The following IGF2BP1 variants were observed in gnomAD, a reference collection of about 807,000 sequenced individuals.
The protein encoded by IGF2BP1 is insulin-like growth factor 2 mRNA-binding protein 1.
In IGF2BP1, 11 loss-of-function variants were observed where a neutral mutation model predicts 74.9. The ratio of observed to expected loss-of-function variants is 0.15; its 90% CI spans 0.09 to 0.24. The LOEUF (loss-of-function observed/expected upper bound fraction) is 0.24. IGF2BP1 is among the 10% of genes least tolerant of loss of function. IGF2BP1 has a pLI of 1.00. For missense variants in IGF2BP1, 440 were observed against 757.4 expected, an observed-to-expected ratio of 0.58 and a Z score of 4.92; for synonymous variants, 287 against 281.8, an observed-to-expected ratio of 1.02 and a Z score of -0.18.
chr17:49,038,283 T>G lies in IGF2BP1; in HGVS notation c.517T>G (p.Ser173Ala), dbSNP rs1347881834. ...GAATGGGCGCCGAGGGGGCTTTGGCTCTCGGGGTCAGCCCCGCCAGGGCTC... is the reference window on the plus strand; with the variant it reads ...GAATGGGCGCCGAGGGGGCTTTGGCGCTCGGGGTCAGCCCCGCCAGGGCTC... Reference protein sequence around the residue: ...PENGRRGGFGSRGQPRQGSPV... With the variant: ...PENGRRGGFGARGQPRQGSPV... The change falls in exon 6 of 15, where the codon TCT becomes GCT. Residue 173 changes from serine (S) to alanine (A), a missense_variant. Physicochemically the swap from Ser to Ala is moderately conservative, Grantham distance 99. This residue lies in a region of IGF2BP1 where 184 missense variants were observed against 273.4 expected (regional missense o/e 0.67). Coordinates refer to ENST00000290341, the MANE Select transcript of IGF2BP1 (RefSeq NM_006546.4). 7 of 1,602,452 alleles carry G rather than the reference T, an allele frequency of 4.4e-6. No homozygotes were observed. Among genetic ancestry groups the G allele is most frequent in the African/African-American group, 1.3e-5 (1 of 74,614 alleles).
In IGF2BP1 at chr17:49,053,096, C is replaced by G. The variant is rs1696121068; in HGVS notation, c.*3652C>G. 1 of 152,246 alleles carries G rather than the reference C, an allele frequency of 6.6e-6. No homozygotes were observed. The highest frequency in any genetic ancestry group is 2.4e-5 in the African/African-American group (1 of 41,452). 9.4% of individuals were successfully genotyped at this position (152,246 alleles called of 1,614,324 possible). ...CAGGGAGTTTTATAGCCCTTTTCTA[C>G]TTTCCTCCCCTCCTCCCAGTCCTTA... is the stretch of plus-strand genomic sequence containing the variant. On this transcript the variant is annotated 3_prime_UTR_variant, in exon 15 of 15. Transcript: ENST00000290341.
rs1349089655 is a variant in IGF2BP1, at chr17:49,055,588, G to A, written c.*6144G>A. On this transcript the variant is annotated 3_prime_UTR_variant, in exon 15 of 15. Transcript: ENST00000290341. The stretch of plus-strand genomic sequence containing the variant: ...GTTAGCCACTGCTATGTAAAAGCAC[G>A]TTCAAAATGAATTTCAGCAGATTAT... The A allele has an allele frequency of 7.5e-6, 3 of 398,416 alleles. No homozygotes were observed. Among genetic ancestry groups the A allele is most frequent in the Middle Eastern group, 6.2e-4 (1 of 1,610 alleles). The allele number at this position is 398,416 out of a possible 1,614,324, so 24.7% of individuals were successfully genotyped here.
At chr17:49,040,566 G>T (rs999529250) in intron 7 of IGF2BP1, among the ~76,000 whole-genome samples, 10 of 152,206 alleles carry the variant, frequency 6.6e-5, no homozygotes, top group Non-Finnish European at 2.9e-5. Context: ...GCACTCACAG[G>T]TGTGTGTATA....
At chr17:49,035,824 A>T (rs1430121512) in intron 5 of IGF2BP1, among the ~76,000 whole-genome samples, 1 of 152,110 alleles carries the variant, frequency 6.6e-6, no homozygotes, top group East Asian at 1.9e-4. Context: ...TCCAGCCGGG[A>T]TACGTAGCAG....
intron 2 of IGF2BP1, 44 bp from the exon 3 acceptor site, chr17:49,025,574 T>TGTA: frequency 6.3e-7 from 1 of 1,576,036 alleles, no homozygotes; most frequent in South Asian, 1.1e-5. Flanking sequence ...AGACCCCTAA[T>TGTA]GTATTCAGAG....
chr17:49,045,342 A>G (rs1399420478), intron 12 of IGF2BP1, among the ~76,000 whole-genome samples: 1 of 152,256 alleles, frequency 6.6e-6, no homozygotes, highest in East Asian at 1.9e-4. Context: ...TGTCATTTCT[A>G]AGGAAGGCCT....
chr17:49,038,596 T>G, intron 6 of IGF2BP1, 147 bp downstream of exon 6: 43 of 758,956 alleles, frequency 5.7e-5, no homozygotes, highest in Non-Finnish European at 7.2e-5. Context: ...CTGCTTCCAA[T>G]ACCAGCCTCC....
At position 49,055,655 on chromosome 17, in the gene IGF2BP1, G is replaced by A; in HGVS notation, c.*6211G>A. The A allele has an allele frequency of 2.5e-6, 1 of 398,546 alleles. No individual in the cohort carries two copies. The highest frequency in any genetic ancestry group is 3.6e-5 in the East Asian group (1 of 28,080). 24.7% of individuals were successfully genotyped at this position (398,546 alleles called of 1,614,324 possible). On this transcript the variant is annotated 3_prime_UTR_variant, in exon 15 of 15. Coordinates refer to ENST00000290341, the MANE Select transcript of IGF2BP1 (RefSeq NM_006546.4). ...TAAACGTCCTCTATCACCATTTGGA[G>A]TCTCCCTTTTCTCCAGGATCTTGAT...
chr17:49,031,062 C>T (rs2041915849), intron 4 of IGF2BP1, among the ~76,000 whole-genome samples: 1 of 152,156 alleles, frequency 6.6e-6, no homozygotes, highest in African/African-American at 2.4e-5. Context: ...TTTGTATATC[C>T]ACTTTCTTGG....
At chr17:49,016,441 A>G (rs1055035725) in intron 2 of IGF2BP1, among the ~76,000 whole-genome samples, 1 of 152,106 alleles carries the variant, frequency 6.6e-6, no homozygotes, top group African/African-American at 2.4e-5. Context: ...GTGTGGGATC[A>G]TATAAGCTGA....
chr17:49,014,073 GC>G (rs1370962369), intron 2 of IGF2BP1: 1 of 152,138 alleles, frequency 6.6e-6, no homozygotes, highest in Non-Finnish European at 1.5e-5. Context: ...GTGGGCACAG[GC>G]GGGGACAGCC....
intron 7 of IGF2BP1, 57 bp from the exon 8 acceptor site, chr17:49,041,321 A>C: frequency 6.2e-7 from 1 of 1,603,194 alleles, no homozygotes; most frequent in Non-Finnish European, 8.5e-7. Context: ...TTGAGTCTTC[A>C]TGAAGCCCAC....
At chr17:49,025,815 T>C (rs1185137799) in intron 3 of IGF2BP1, 149 bp downstream of exon 3, 7 of 579,768 alleles carry the variant, frequency 1.2e-5, no homozygotes, top group Non-Finnish European at 2.2e-5. Context: ...TTTTTTCTTT[T>C]TGAGTCTCAT....
In IGF2BP1 at chr17:49,019,946, A is replaced by ATATG. The variant is rs2041765794; in HGVS notation, c.237-5669_237-5668insGTAT. Among the ~76,000 whole-genome samples the ATATG allele has an allele frequency of 7.1e-5, 3 of 42,306 alleles. No homozygotes were observed. In the South Asian group the frequency reaches 1.6e-3, roughly 22 times the overall value. The allele number at this position is 42,306 out of a possible 152,430, so 27.8% of individuals were successfully genotyped here. On this transcript the variant is annotated intron_variant, in intron 2 of 14. Coordinates refer to ENST00000290341, the MANE Select transcript of IGF2BP1 (RefSeq NM_006546.4). ...TATATATATATATATATATATATAT[A>ATATG]TATTTATATACACACACACACACAC...
intron 5 of IGF2BP1, among the ~76,000 whole-genome samples, chr17:49,034,787 AC>A (rs1335128833): frequency 2.6e-5 from 4 of 151,248 alleles, no homozygotes; most frequent in African/African-American, 9.8e-5. Flanking sequence ...AAAACCAAAA[AC>A]ACAAAACTTT....
intron 2 of IGF2BP1, chr17:49,014,872 G>A: frequency 1.0e-6 from 1 of 985,378 alleles, no homozygotes; most frequent in Non-Finnish European, 1.2e-6. Flanking sequence ...TTTGGAGGCT[G>A]GTCTGGTTTC....
rs185349737 is a variant in IGF2BP1 at position 49,002,117 on chromosome 17, G to C, written c.236+2948G>C. 2.0e-5 allele frequency among the ~76,000 whole-genome samples: 3 copies of C among 152,172 alleles called. No homozygotes were observed. The East Asian group carries it at 5.8e-4, about 29-fold the overall frequency. On this transcript the variant is annotated intron_variant, in intron 2 of 14. Coordinates refer to ENST00000290341, the MANE Select transcript of IGF2BP1 (RefSeq NM_006546.4). The stretch of plus-strand genomic sequence containing the variant: ...AATTCTAAGTTTGGTGATTTCTTTA[G>C]GCAGATTAATGGTCCTTTTCCTCTA...
Position 49,007,412 on chromosome 17 carries a change from C to T in IGF2BP1, c.236+8243C>T, listed in dbSNP as rs115669261. 6.8e-3 allele frequency among the ~76,000 whole-genome samples: 1,037 copies of T among 152,320 alleles called. 7 individuals are homozygous for T. The highest frequency in any genetic ancestry group is 0.024 in the African/African-American group (978 of 41,560). ...ATTTCAGCCCTCTGCTCAAAGGCTG[C>T]GTGCCATAATGCAGGCACATGGGTG... On this transcript the variant is annotated intron_variant, in intron 2 of 14. Transcript: ENST00000290341.
chr17:49,043,940 T>G (rs761709551), intron 10 of IGF2BP1, 27 bp from the exon 11 acceptor site: 5 of 1,610,856 alleles, frequency 3.1e-6, no homozygotes, highest in Non-Finnish European at 4.2e-6. Flanking sequence ...TTGGGCCCCC[T>G]GGTAACAACG....
Sources: allele counts gnomAD v4.1 joint callset (sites outside exome capture counted in the v4.1 genomes callset), GRCh38; gene constraint gnomAD v4.1.1; regional missense constraint gnomAD v4.1.1; transcripts MANE v1.5; gene names NCBI Gene and HGNC (gene_info 2026-07-23, HGNC 2026-07-21).